Variants in CD8B observed in about 807,000 individuals in gnomAD.
CD8B encodes the protein T-cell surface glycoprotein CD8 beta chain.
A neutral mutation model predicts 24.2 loss-of-function variants in CD8B; 6 were observed. The observed-to-expected ratio is 0.25, with a 90% CI of 0.14 to 0.49. The LOEUF (loss-of-function observed/expected upper bound fraction) is 0.49, where lower values mean the gene tolerates loss of function less well. CD8B is among the 20% of genes least tolerant of loss of function. CD8B has a pLI of 0.98. For synonymous variants in CD8B, 84 were observed against 108.3 expected, an observed-to-expected ratio of 0.78 and a Z score of 1.39; for missense variants, 196 against 271.3, an observed-to-expected ratio of 0.72 and a Z score of 1.95.
intron 5 of CD8B, among the ~76,000 whole-genome samples, chr2:86,826,714 G>A (rs998535906): frequency 6.6e-5 from 10 of 152,102 alleles, no homozygotes; most frequent in African/African-American, 1.2e-4. Context: ...TGTCGCTCTC[G>A]CCCAAGTACA....
intron 5 of CD8B, among the ~76,000 whole-genome samples, chr2:86,824,584 G>T (rs1009234252): frequency 1.3e-5 from 2 of 152,202 alleles, no homozygotes; most frequent in African/African-American, 2.4e-5. Context: ...CCTTCCTGGG[G>T]TCCTGTGGGG....
chr2:86,844,956 G>C lies in CD8B; in HGVS notation c.586C>G (p.Arg196Gly), dbSNP rs897219748. The C allele has an allele frequency of 1.6e-5, 25 of 1,557,452 alleles. No individual in the cohort carries two copies. Among genetic ancestry groups the C allele is most frequent in the Non-Finnish European group, 2.1e-5 (24 of 1,150,286 alleles). Residue 196 changes from arginine to glycine, a missense_variant and splice_region_variant, in exon 5 of 6, where the codon CGG (arginine) becomes GGG (glycine). By Grantham distance (125) the Arg-to-Gly change is moderately radical. Transcript: ENST00000390655. ...SLGVAIHLCC[R>G]RRRARLRFMK... ...AAACGAAGCCGGGCTCTCCTCCGCC[G>C]GCCTGGAAGAGGAAAGCAAGGGCGC...
chr2:86,848,701 A>ATTATTTATTTATTTATTTATTTAATTTAT lies in CD8B; in HGVS notation c.494-1929_494-1928insATAAATTAAATAAATAAATAAATAAATAA, dbSNP rs1675812604. 6.9e-3 allele frequency among the ~76,000 whole-genome samples: 407 copies of ATTATTTATTTATTTATTTATTTAATTTAT among 58,844 alleles called. 21 individuals are homozygous for ATTATTTATTTATTTATTTATTTAATTTAT. The highest frequency in any genetic ancestry group is 0.064 in the Admixed American group (323 of 5,008). 38.6% of individuals were successfully genotyped at this position (58,844 alleles called of 152,430 possible). A position where few individuals can be genotyped will look rare whatever the true frequency, so the allele number is the denominator to read the frequency against. ...GGAAGAAAGGTATTGGTATTTTTAA[A>ATTATTTATTTATTTATTTATTTAATTTAT]TTATTTATTTATTTATTTATTTATT... On this transcript the variant is annotated intron_variant, in intron 3 of 5. Transcript: ENST00000390655.
chr2:86,833,942 C>A (rs1361377404), downstream of CD8B, among the ~76,000 whole-genome samples: 1 of 152,134 alleles, frequency 6.6e-6, no homozygotes, highest in East Asian at 1.9e-4. Flanking sequence ...AGCCACCGTG[C>A]CCGGCCAAAT....
intron 5 of CD8B, among the ~76,000 whole-genome samples, chr2:86,827,744 T>TACC (rs1674750010): frequency 6.6e-6 from 1 of 152,232 alleles, no homozygotes; most frequent in Non-Finnish European, 1.5e-5. Flanking sequence ...CATAGAGATC[T>TACC]ACAGCTCTGG....
intron 2 of CD8B, 78 bp downstream of exon 2, chr2:86,857,979 A>G (rs994098265): frequency 6.9e-7 from 1 of 1,451,888 alleles, no homozygotes; most frequent in Admixed American, 1.7e-5. Flanking sequence ...GGGCACACTG[A>G]AGCCTGGTGG....
At chr2:86,815,674 A>G (rs778660499) in exon 6 of CD8B, 1 of 1,613,500 alleles carries the variant, frequency 6.2e-7, no homozygotes, top group Non-Finnish European at 8.5e-7. Flanking sequence ...GTATCCATGC[A>G]GGCATTGGGG....
At chr2:86,848,546 G>C (rs1225371042) in intron 3 of CD8B, among the ~76,000 whole-genome samples, 3 of 151,958 alleles carry the variant, frequency 2.0e-5, no homozygotes, top group African/African-American at 7.3e-5. Flanking sequence ...ATGGGTGAAA[G>C]GGCAAGGCTG....
intron 5 of CD8B, among the ~76,000 whole-genome samples, chr2:86,829,272 A>G (rs557608144): frequency 6.6e-6 from 1 of 151,892 alleles, no homozygotes; most frequent in East Asian, 1.9e-4. Context: ...ATGCCCGGCT[A>G]ATTTTTTGCA....
At chr2:86,837,361 C>G (rs931150328), downstream of CD8B, among the ~76,000 whole-genome samples, 28 of 152,112 alleles carry the variant, frequency 1.8e-4, no homozygotes, top group Non-Finnish European at 4.4e-5. Context: ...TCACACGTGT[C>G]GTGCATATTT....
intron 5 of CD8B, chr2:86,843,639 T>C (rs1266024007): frequency 2.0e-6 from 2 of 983,850 alleles, no homozygotes; most frequent in African/African-American, 3.5e-5. Context: ...AATTTTAGAG[T>C]ATTCAAAAAT....
chr2:86,835,442 A>T (rs1422601539), downstream of CD8B, among the ~76,000 whole-genome samples: 2 of 152,166 alleles, frequency 1.3e-5, no homozygotes, highest in Non-Finnish European at 2.9e-5. Flanking sequence ...ATCCGAAGGC[A>T]GGCCCGCCTT....
At chr2:86,852,730 A>G (rs1676036210) in intron 3 of CD8B, among the ~76,000 whole-genome samples, 1 of 152,192 alleles carries the variant, frequency 6.6e-6, no homozygotes, top group Non-Finnish European at 1.5e-5. Context: ...GGCTAGTATG[A>G]ATAATGAAGC....
intron 5 of CD8B, among the ~76,000 whole-genome samples, chr2:86,816,973 A>G (rs1674275803): frequency 6.6e-6 from 1 of 152,246 alleles, no homozygotes; most frequent in Non-Finnish European, 1.5e-5. Context: ...TATCCATAAC[A>G]TATCAGACTC....
chr2:86,852,024 A>G (rs547692311), intron 3 of CD8B, among the ~76,000 whole-genome samples: 46 of 152,336 alleles, frequency 3.0e-4, no homozygotes, highest in African/African-American at 1.1e-3. Flanking sequence ...GCTGGAGTGC[A>G]GTGGCAGGAT....
intron 3 of CD8B, among the ~76,000 whole-genome samples, chr2:86,851,868 G>A (rs1675992500): frequency 6.6e-6 from 1 of 152,224 alleles, no homozygotes; most frequent in Admixed American, 6.5e-5. Flanking sequence ...TCCAGCTGAG[G>A]TGTCTGGTGT....
At chr2:86,849,502 C>T (rs1447463370) in intron 3 of CD8B, among the ~76,000 whole-genome samples, 7 of 151,744 alleles carry the variant, frequency 4.6e-5, no homozygotes, top group Admixed American at 6.6e-5. Context: ...CAGAGGTAGA[C>T]GGTAGATTAG....
intron 5 of CD8B, among the ~76,000 whole-genome samples, chr2:86,822,638 C>T (rs1674524875): frequency 6.6e-6 from 1 of 152,072 alleles, no homozygotes; most frequent in Non-Finnish European, 1.5e-5. Context: ...GAAAATACAC[C>T]AAGATGCGTT....
At chr2:86,836,715 A>G (rs1382846833), downstream of CD8B, among the ~76,000 whole-genome samples, 2 of 152,172 alleles carry the variant, frequency 1.3e-5, no homozygotes, top group Non-Finnish European at 2.9e-5. Context: ...GCAGTGAGCC[A>G]TGATGGCGCC....
Sources: allele counts gnomAD v4.1 joint callset (sites outside exome capture counted in the v4.1 genomes callset), GRCh38; gene constraint gnomAD v4.1.1; transcripts MANE v1.5; gene names NCBI Gene and HGNC (gene_info 2026-07-23, HGNC 2026-07-21).